Variants in CDKAL1 observed in about 807,000 individuals in gnomAD.
CDKAL1 encodes threonylcarbamoyladenosine tRNA methylthiotransferase.
Under a neutral mutation model 68.2 loss-of-function variants are expected in CDKAL1, and 32 were observed. The ratio of observed to expected loss-of-function variants is 0.47; its 90% CI spans 0.35 to 0.63. The LOEUF is 0.63. CDKAL1 is among the 30% of genes least tolerant of loss of function. The pLI is 0.00. For synonymous variants in CDKAL1, 234 were observed against 244.3 expected, an observed-to-expected ratio of 0.96 and a Z score of 0.39; for missense variants, 606 against 696.7, an observed-to-expected ratio of 0.87 and a Z score of 1.47.
rs146424266 is a variant in CDKAL1, at chr6:20,846,111, C to T, written c.675C>T (p.His225=). 6.0e-5 allele frequency: 96 copies of T among 1,612,990 alleles called. No individual in the cohort carries two copies. The highest frequency in any genetic ancestry group is 7.5e-5 in the Non-Finnish European group (89 of 1,179,402). Residue 225 remains histidine, a synonymous_variant, in exon 9 of 16, where the codon CAC becomes CAT. Coordinates refer to ENST00000274695, the MANE Select transcript of CDKAL1 (RefSeq NM_017774.3). ...LNACTYCKTK[H]ARGNLASYPI... Reference sequence around the variant, plus strand: ...CTTGTACCTACTGCAAAACTAAACACGCCAGAGGAAATTTGGCCAGTTATC... The same window carrying T: ...CTTGTACCTACTGCAAAACTAAACATGCCAGAGGAAATTTGGCCAGTTATC...
intron 9 of CDKAL1, among the ~76,000 whole-genome samples, chr6:20,907,347 A>C (rs895420901): frequency 1.3e-5 from 2 of 152,152 alleles, no homozygotes; most frequent in Middle Eastern, 3.2e-3. Flanking sequence ...GCTTGAGCCC[A>C]GGAGGTAGAG....
At chr6:20,905,842 A>G (rs1470613445) in intron 9 of CDKAL1, among the ~76,000 whole-genome samples, 1 of 152,138 alleles carries the variant, frequency 6.6e-6, no homozygotes, top group Non-Finnish European at 1.5e-5. Flanking sequence ...CAAAGAACCT[A>G]TATCTAACGA....
chr6:20,703,125 G>A (rs184479887), intron 5 of CDKAL1, among the ~76,000 whole-genome samples: 2 of 152,190 alleles, frequency 1.3e-5, no homozygotes, highest in African/African-American at 2.4e-5. Context: ...CTTTTGGCAC[G>A]TAGCTTCCTC....
intron 11 of CDKAL1, among the ~76,000 whole-genome samples, chr6:21,057,960 A>G (rs1770929393): frequency 6.6e-6 from 1 of 152,220 alleles, no homozygotes; most frequent in Non-Finnish European, 1.5e-5. Flanking sequence ...AGTAAGTGCC[A>G]TGTGGCACCA....
chr6:21,184,881 G>A (rs1304223540), intron 13 of CDKAL1, among the ~76,000 whole-genome samples: 8 of 138,922 alleles, frequency 5.8e-5, no homozygotes, highest in Admixed American at 3.1e-4. Context: ...TGCCCAGGCT[G>A]GTCTCAAACT....
At chr6:20,798,596 A>T (rs188695494) in intron 8 of CDKAL1, among the ~76,000 whole-genome samples, 1 of 152,168 alleles carries the variant, frequency 6.6e-6, no homozygotes, top group Non-Finnish European at 1.5e-5. Context: ...AAAAATGATG[A>T]GTTCACATCC....
At position 21,218,682 on chromosome 6, in the gene CDKAL1, A is replaced by C. The variant is rs182036810; in HGVS notation, c.1549-12166A>C. On this transcript the variant is annotated intron_variant, in intron 15 of 15. Coordinates refer to ENST00000274695, the MANE Select transcript of CDKAL1 (RefSeq NM_017774.3). Reference sequence around the variant, plus strand: ...TCTCCTGTGGACTTCTGCATAGTGCAGCTCACAGCATGGCAGCTGGCTTCC... The same window carrying C: ...TCTCCTGTGGACTTCTGCATAGTGCCGCTCACAGCATGGCAGCTGGCTTCC... Among the ~76,000 whole-genome samples the C allele has an allele frequency of 2.6e-5, 4 of 152,324 alleles. No homozygotes were observed. The East Asian group carries it at 7.7e-4, about 29-fold the overall frequency.
intron 9 of CDKAL1, among the ~76,000 whole-genome samples, chr6:20,930,229 ACT>A (rs931789997): frequency 3.3e-5 from 5 of 150,900 alleles, no homozygotes; most frequent in African/African-American, 7.3e-5. Flanking sequence ...TGTTTTTTCA[ACT>A]CTTTGTTAAC....
chr6:21,121,451 G>GA (rs1774709471), intron 13 of CDKAL1, among the ~76,000 whole-genome samples: 1 of 152,004 alleles, frequency 6.6e-6, no homozygotes, highest in Non-Finnish European at 1.5e-5. Flanking sequence ...TAACGCTAAG[G>GA]AAAAAATGCC....
At chr6:20,639,034 T>C (rs1768039841) in intron 4 of CDKAL1, among the ~76,000 whole-genome samples, 1 of 152,178 alleles carries the variant, frequency 6.6e-6, no homozygotes, top group Non-Finnish European at 1.5e-5. Context: ...AATGTTCTTT[T>C]CTACATGGTA....
At chr6:20,627,029 C>G (rs1282904127) in intron 4 of CDKAL1, among the ~76,000 whole-genome samples, 2 of 152,192 alleles carry the variant, frequency 1.3e-5, no homozygotes, top group African/African-American at 4.8e-5. Context: ...CAAAATCTAC[C>G]TCTTCGGCTA....
At chr6:20,949,627 G>C (rs745352704) in intron 9 of CDKAL1, among the ~76,000 whole-genome samples, 1 of 152,108 alleles carries the variant, frequency 6.6e-6, no homozygotes, top group African/African-American at 2.4e-5. Context: ...GGTCCTAGGC[G>C]TATGTGTTTT....
intron 8 of CDKAL1, among the ~76,000 whole-genome samples, chr6:20,844,431 G>A (rs1778293899): frequency 1.3e-5 from 2 of 152,120 alleles, no homozygotes; most frequent in South Asian, 4.1e-4. Flanking sequence ...CACTGTCCTG[G>A]ATTTGAATCT....
At chr6:21,012,570 C>T (rs1347246659) in intron 11 of CDKAL1, among the ~76,000 whole-genome samples, 1 of 152,108 alleles carries the variant, frequency 6.6e-6, no homozygotes, top group East Asian at 1.9e-4. Context: ...TTAAAGCTCC[C>T]ATTTGAAAAA....
chr6:20,888,974 T>G (rs913569249), intron 9 of CDKAL1, among the ~76,000 whole-genome samples: 1 of 152,236 alleles, frequency 6.6e-6, no homozygotes, highest in Non-Finnish European at 1.5e-5. Flanking sequence ...TGAACTAGTT[T>G]ACAGTCCCAC....
chr6:20,726,943 G>A (rs1772683441), intron 5 of CDKAL1, among the ~76,000 whole-genome samples: 1 of 152,302 alleles, frequency 6.6e-6, no homozygotes, highest in African/African-American at 2.4e-5. Context: ...AAGACTTTGT[G>A]CAGCCCCTAT....
At chr6:20,577,184 A>G (rs535277996) in intron 4 of CDKAL1, among the ~76,000 whole-genome samples, 5 of 152,310 alleles carry the variant, frequency 3.3e-5, no homozygotes, top group Admixed American at 2.0e-4. Flanking sequence ...TTCCGAGTCT[A>G]TAGGTACTAC....
At chr6:20,863,429 C>G (rs1759749309) in intron 9 of CDKAL1, among the ~76,000 whole-genome samples, 1 of 151,834 alleles carries the variant, frequency 6.6e-6, no homozygotes, top group African/African-American at 2.4e-5. Flanking sequence ...CCCCTTGGGT[C>G]TTACTTATCT....
Position 21,204,895 on chromosome 6 carries a change from C to T in CDKAL1, c.1548+3621C>T, listed in dbSNP as rs144149247. Among the ~76,000 whole-genome samples, 758 of 152,316 alleles carry T rather than the reference C, an allele frequency of 5.0e-3. 6 individuals are homozygous for T. Among genetic ancestry groups the T allele is most frequent in the Admixed American group, 9.5e-3 (145 of 15,298 alleles). ...ATTGTTGTACAACCCATCTCCAGAA[C>T]TTTCCATCTTGCAAAACTGAAACCC... On this transcript the variant is annotated intron_variant, in intron 15 of 15. Coordinates refer to ENST00000274695, the MANE Select transcript of CDKAL1 (RefSeq NM_017774.3).
Sources: allele counts gnomAD v4.1 joint callset (sites outside exome capture counted in the v4.1 genomes callset), GRCh38; gene constraint gnomAD v4.1.1; transcripts MANE v1.5; gene names NCBI Gene and HGNC (gene_info 2026-07-23, HGNC 2026-07-21).